CUL4A: variants seen among roughly 807,000 people sequenced by gnomAD.
CUL4A encodes the protein cullin 4A, also known as cullin-4A.
A neutral mutation model predicts 95.5 loss-of-function variants in CUL4A; 16 were observed. The ratio of observed to expected loss-of-function variants is 0.17; its 90% CI spans 0.11 to 0.25. CUL4A has a LOEUF of 0.25. Among genes scored for constraint, CUL4A ranks in the 10% least tolerant of loss-of-function variants. The pLI is 1.00. For synonymous variants in CUL4A, 380 were observed against 353.1 expected, an observed-to-expected ratio of 1.08 and a Z score of -0.85; for missense variants, 610 against 937.0, an observed-to-expected ratio of 0.65 and a Z score of 4.56.
intron 2 of CUL4A, among the ~76,000 whole-genome samples, chr13:113,214,872 A>T (rs546016854): frequency 6.6e-6 from 1 of 152,044 alleles, no homozygotes; most frequent in Non-Finnish European, 1.5e-5. Context: ...GAAGGTCGCT[A>T]TATGACTCTG....
upstream of CUL4A, chr13:113,208,744 G>A (rs1237357280): frequency 1.1e-5 from 17 of 1,481,834 alleles, no homozygotes; most frequent in Admixed American, 4.5e-5. Flanking sequence ...CCCCGCCGCG[G>A]GTGCGCAGGT....
chr13:113,253,416 G>A (rs907544416), intron 16 of CUL4A, among the ~76,000 whole-genome samples: 14 of 152,010 alleles, frequency 9.2e-5, no homozygotes, highest in African/African-American at 2.9e-4. Context: ...GAAAAAAAGA[G>A]CAGAGAATGT....
chr13:113,219,063 GTTCATAAAGTTTCTA>G lies in CUL4A; in HGVS notation c.368+21_368+35del. Reference sequence around the variant, plus strand: ...CCGTTTAGAGAATATCCTTTTTTTGGTTCATAAAGTTTCTATTCATTATCTAAGTCTTTTAAAACT... The same window carrying G: ...CCGTTTAGAGAATATCCTTTTTTTGGTTCATTATCTAAGTCTTTTAAAACT... On this transcript the variant is annotated intron_variant, in intron 3 of 19. Coordinates refer to ENST00000375440, the MANE Select transcript of CUL4A (RefSeq NM_001008895.4). 1 of 1,528,092 alleles carries G rather than the reference GTTCATAAAGTTTCTA, an allele frequency of 6.5e-7. No homozygotes were observed. Among genetic ancestry groups the G allele is most frequent in the Non-Finnish European group, 8.9e-7 (1 of 1,118,250 alleles). 94.7% of individuals were successfully genotyped at this position (1,528,092 alleles called of 1,614,324 possible).
At chr13:113,254,519 C>A (rs1163826768) in intron 16 of CUL4A, among the ~76,000 whole-genome samples, 174 bp from the exon 17 acceptor site, 3 of 151,880 alleles carry the variant, frequency 2.0e-5, no homozygotes, top group African/African-American at 4.8e-5. Context: ...GGCATGATTC[C>A]GGGAGGTGGG....
chr13:113,245,564 A>G (rs2041834479), intron 14 of CUL4A, among the ~76,000 whole-genome samples: 2 of 152,366 alleles, frequency 1.3e-5, no homozygotes, highest in South Asian at 4.1e-4. Context: ...GGGTGGATAG[A>G]TAGATAATAC....
At chr13:113,245,677 T>G (rs142408324) in intron 14 of CUL4A, among the ~76,000 whole-genome samples, 1 of 152,172 alleles carries the variant, frequency 6.6e-6, no homozygotes, top group East Asian at 1.9e-4. Flanking sequence ...AAGAAGAAAA[T>G]TACACTATTA....
chr13:113,208,860 G>A, upstream of CUL4A: 3 of 1,405,290 alleles, frequency 2.1e-6, no homozygotes, highest in Non-Finnish European at 2.8e-6. Flanking sequence ...GACGCCAGCG[G>A]CTCTGATTGT....
chr13:113,266,537 T>C lies in CUL4A; in HGVS notation c.*2955T>C, dbSNP rs2042398614. The C allele has an allele frequency of 6.6e-6, 1 of 152,212 alleles. No individual in the cohort carries two copies. Among genetic ancestry groups the C allele is most frequent in the Admixed American group, 6.5e-5 (1 of 15,278 alleles). 9.4% of individuals were successfully genotyped at this position (152,212 alleles called of 1,614,324 possible). A position where few individuals can be genotyped will look rare whatever the true frequency, so the allele number is the denominator to read the frequency against. ...TCTAAAGTTAAAACAGAAAAGCAAATATGCCAGACTAGTCAAATTGTTTTA... is the reference window on the plus strand; with the variant it reads ...TCTAAAGTTAAAACAGAAAAGCAAACATGCCAGACTAGTCAAATTGTTTTA... On this transcript the variant is annotated 3_prime_UTR_variant, in exon 20 of 20. Transcript: ENST00000375440.
intron 3 of CUL4A, among the ~76,000 whole-genome samples, chr13:113,220,047 G>A (rs2040840882): frequency 6.6e-6 from 1 of 152,322 alleles, no homozygotes; most frequent in African/African-American, 2.4e-5. Flanking sequence ...GTTTCTTCAT[G>A]TGTAAAATTA....
At position 113,228,261 on chromosome 13, in the gene CUL4A, C is replaced by T. The variant is rs1595373726; in HGVS notation, c.438+216C>T. On this transcript the variant is annotated intron_variant, in intron 4 of 19. Coordinates refer to ENST00000375440, the MANE Select transcript of CUL4A (RefSeq NM_001008895.4). The stretch of plus-strand genomic sequence containing the variant: ...GGCCTTCAGGTCCACAGTCACAGTC[C>T]GCAGTGGTGACAGGGTTCTTAGATG... 2.6e-5 allele frequency among the ~76,000 whole-genome samples: 4 copies of T among 152,164 alleles called. No individual in the cohort carries two copies. In the East Asian group the frequency reaches 5.8e-4, roughly 22 times the overall value.
intron 10 of CUL4A, among the ~76,000 whole-genome samples, chr13:113,241,546 A>C (rs1595400531): frequency 1.6e-5 from 2 of 121,552 alleles, no homozygotes; most frequent in African/African-American, 3.2e-5. Context: ...GTGGAGTCTC[A>C]CTCTGTCATC....
At chr13:113,252,822 C>T (rs1291052558) in intron 15 of CUL4A, among the ~76,000 whole-genome samples, 3 of 152,216 alleles carry the variant, frequency 2.0e-5, no homozygotes, top group Non-Finnish European at 4.4e-5. Context: ...CCAGCAAGCC[C>T]TGGTATGTAC....
chr13:113,208,391 C>A, upstream of CUL4A: 1 of 1,440,686 alleles, frequency 6.9e-7, no homozygotes, highest in Non-Finnish European at 9.1e-7. Context: ...GCCCGGCCCC[C>A]ACGGCGGCCC....
chr13:113,210,348 A>G (rs1048561973), intron 2 of CUL4A, among the ~76,000 whole-genome samples: 1 of 152,230 alleles, frequency 6.6e-6, no homozygotes. Flanking sequence ...GTGTGTTTCT[A>G]GGAGCCACGT....
At chr13:113,250,566 A>G (rs1386085666) in intron 15 of CUL4A, among the ~76,000 whole-genome samples, 1 of 152,234 alleles carries the variant, frequency 6.6e-6, no homozygotes, top group Non-Finnish European at 1.5e-5. Context: ...TAGCTAGCAC[A>G]TAGTACCCAA....
chr13:113,216,087 C>T (rs1017090391), intron 2 of CUL4A, among the ~76,000 whole-genome samples: 2 of 147,076 alleles, frequency 1.4e-5, no homozygotes, highest in African/African-American at 5.1e-5. Context: ...CTATGGAGGT[C>T]ACGTCCCATG....
At chr13:113,210,501 T>C (rs2040366697) in intron 2 of CUL4A, among the ~76,000 whole-genome samples, 1 of 152,230 alleles carries the variant, frequency 6.6e-6, no homozygotes, top group African/African-American at 2.4e-5. Flanking sequence ...TTCAAACAGA[T>C]TTTGAAAAAA....
chr13:113,222,106 T>C (rs1172408315), intron 3 of CUL4A, among the ~76,000 whole-genome samples: 1 of 152,168 alleles, frequency 6.6e-6, no homozygotes, highest in African/African-American at 2.4e-5. Flanking sequence ...CCAGGTATGC[T>C]GCTGGGTGTG....
chr13:113,231,833 C>T, intron 5 of CUL4A, among the ~76,000 whole-genome samples: 1 of 152,150 alleles, frequency 6.6e-6, no homozygotes. Context: ...GCGGGAGCAA[C>T]AGGAGAGGCC....
Sources: gnomAD v4.1 joint callset for allele counts (sites outside exome capture counted in the v4.1 genomes callset) on GRCh38, gnomAD v4.1.1 for gene constraint, MANE v1.5 for transcripts, NCBI Gene and HGNC (gene_info 2026-07-23, HGNC 2026-07-21) for gene names.